Variants in SQLE observed in about 807,000 individuals in gnomAD.
SQLE encodes squalene epoxidase.
Under a neutral mutation model 60.7 loss-of-function variants are expected in SQLE, and 29 were observed. The observed-to-expected ratio is 0.48, with a 90% CI of 0.36 to 0.65. The LOEUF (loss-of-function observed/expected upper bound fraction) is 0.65. Ranked by LOEUF, SQLE falls within the 30% of genes least tolerant of loss-of-function variation. The pLI is 0.00. For synonymous variants in SQLE, 237 were observed against 246.8 expected, an observed-to-expected ratio of 0.96 and a Z score of 0.37; for missense variants, 605 against 684.1, an observed-to-expected ratio of 0.88 and a Z score of 1.29.
chr8:124,999,572 CAG>C lies in SQLE; in HGVS notation c.170_171del (p.Gln57ProfsTer29), dbSNP rs1406633781. On this transcript the variant is annotated frameshift_variant, in exon 1 of 11. Coordinates refer to ENST00000265896, the MANE Select transcript of SQLE (RefSeq NM_003129.4). LOFTEE classifies it high-confidence loss of function. ...CCGAAACGGGGGTCTCCTCGGGCGCCAGCAGAGCGGCTCCCAGTTCGCCCTCT... is the reference window on the plus strand; with the variant it reads ...CCGAAACGGGGGTCTCCTCGGGCGCCCAGAGCGGCTCCCAGTTCGCCCTCT... Reference protein sequence around the residue: ...RHRNGGLLGRQQSGSQFALFS... With the variant: ...RHRNGGLLGRXQSGSQFALFS... 6.2e-7 allele frequency: 1 copy of C among 1,613,454 alleles called. No homozygotes were observed. Among genetic ancestry groups the C allele is most frequent in the African/African-American group, 1.3e-5 (1 of 74,918 alleles).
chr8:125,014,979 TG>T (rs990161981), intron 7 of SQLE, among the ~76,000 whole-genome samples: 25 of 152,216 alleles, frequency 1.6e-4, no homozygotes, highest in Non-Finnish European at 2.8e-4. Flanking sequence ...TCTGTCTGGA[TG>T]ATCTATTCAG....
chr8:125,003,047 G>A (rs1417751112), intron 1 of SQLE, 129 bp from the exon 2 acceptor site: 11 of 720,998 alleles, frequency 1.5e-5, no homozygotes, highest in Non-Finnish European at 2.2e-5. Context: ...GTAACAATTT[G>A]TTTGGTTTGA....
chr8:125,009,814 A>T (rs899479817), intron 6 of SQLE, among the ~76,000 whole-genome samples: 1 of 151,954 alleles, frequency 6.6e-6, no homozygotes, highest in African/African-American at 2.4e-5. Flanking sequence ...AAAAGTTTTG[A>T]TATGTTTTTG....
chr8:125,002,977 CTT>C (rs1315062581), intron 1 of SQLE, among the ~76,000 whole-genome samples, 197 bp from the exon 2 acceptor site: 3 of 152,084 alleles, frequency 2.0e-5, no homozygotes, highest in African/African-American at 7.2e-5. Context: ...ATATGACACA[CTT>C]TTATTTAACG....
intron 7 of SQLE, among the ~76,000 whole-genome samples, chr8:125,017,432 C>T (rs1815126782): frequency 6.6e-6 from 1 of 152,064 alleles, no homozygotes; most frequent in African/African-American, 2.4e-5. Context: ...TGCCTGGCTG[C>T]TGCTGGTGTT....
At chr8:125,011,386 A>G (rs1815037570) in intron 6 of SQLE, 151 bp from the exon 7 acceptor site, 1 of 514,550 alleles carries the variant, frequency 1.9e-6, no homozygotes, top group African/African-American at 1.9e-5. Context: ...TATTAATGAA[A>G]TAATTAGTTC....
At position 125,007,219 on chromosome 8, in the gene SQLE, G is replaced by A. The variant is rs553092920; in HGVS notation, c.726-172G>A. ...CTAATGATTACTAATGTAATCATTA[G>A]TAATATGTATTAAATGTTGATAAAT... On this transcript the variant is annotated intron_variant, in intron 3 of 10. Coordinates refer to ENST00000265896, the MANE Select transcript of SQLE (RefSeq NM_003129.4). Among the ~76,000 whole-genome samples, 21 of 151,922 alleles carry A rather than the reference G, an allele frequency of 1.4e-4. No individual in the cohort carries two copies. The South Asian group carries it at 1.5e-3, about 11-fold the overall frequency.
At chr8:125,006,710 C>CTT (rs566345105) in intron 3 of SQLE, among the ~76,000 whole-genome samples, 11 of 145,734 alleles carry the variant, frequency 7.5e-5, no homozygotes, top group African/African-American at 2.0e-4. Context: ...AATAATTACT[C>CTT]TTTCTTTTTT....
rs1325459501 is a variant in SQLE, at chr8:125,018,679, G to A, written c.1396G>A (p.Val466Met). The A allele has an allele frequency of 5.0e-6, 8 of 1,606,450 alleles. No homozygotes were observed. Among genetic ancestry groups the A allele is most frequent in the African/African-American group, 2.7e-5 (2 of 74,588 alleles). The change falls in exon 9 of 11, where the codon GTG (valine) becomes ATG (methionine). Residue 466 changes from valine (V) to methionine (M), a missense_variant. Coordinates refer to ENST00000265896, the MANE Select transcript of SQLE (RefSeq NM_003129.4). The part of the protein sequence containing the change: ...WARKTSHSFV[V>M]NILAQALYEL... Reference sequence around the variant, plus strand: ...AAGAAAAACATCTCATTCCTTTGTCGTGAATATCCTTGCTCAGGCTCTTTA... The same window carrying A: ...AAGAAAAACATCTCATTCCTTTGTCATGAATATCCTTGCTCAGGCTCTTTA...
chr8:125,010,889 C>T (rs922019831), intron 6 of SQLE: 5 of 150,606 alleles, frequency 3.3e-5, no homozygotes, highest in Non-Finnish European at 7.4e-5. Flanking sequence ...CAAAATTCTA[C>T]TCCTTAATAT....
At chr8:125,011,340 C>T in intron 6 of SQLE, 197 bp from the exon 7 acceptor site, 4 of 396,744 alleles carry the variant, frequency 1.0e-5, no homozygotes, top group South Asian at 6.6e-5. Flanking sequence ...TTAGTCATTC[C>T]TTGGCATTAA....
chr8:125,017,606 C>G (rs1258791302), intron 7 of SQLE, among the ~76,000 whole-genome samples: 3 of 152,184 alleles, frequency 2.0e-5, no homozygotes, highest in Non-Finnish European at 2.9e-5. Context: ...ACTTGGTGCT[C>G]TGTCTCACTG....
chr8:125,018,769 AT>A, intron 9 of SQLE, 42 bp downstream of exon 9: 1 of 1,293,200 alleles, frequency 7.7e-7, no homozygotes, highest in Non-Finnish European at 1.1e-6. Context: ...TCAATTGCAG[AT>A]TTTTAGCGTA....
At chr8:125,021,547 G>A (rs1483102333) in intron 10 of SQLE, among the ~76,000 whole-genome samples, 9 of 148,572 alleles carry the variant, frequency 6.1e-5, no homozygotes, top group Non-Finnish European at 1.2e-4. Context: ...AAAAAGGGGG[G>A]TGGGGGGTTT....
chr8:125,003,276 C>T lies in SQLE; in HGVS notation c.392C>T (p.Ala131Val). ...GACCCAGAAGTTATCATCGTGGGAG[C>T]TGGCGTGCTTGGCTCTGCTTTGGCA... Reference protein sequence around the residue: ...QNDPEVIIVGAGVLGSALAAV... With the variant: ...QNDPEVIIVGVGVLGSALAAV... Residue 131 changes from alanine to valine, a missense_variant, in exon 2 of 11, where the codon GCT becomes GTT. Ala to Val is a moderately conservative substitution (Grantham distance 64). Transcript: ENST00000265896. 3 of 1,613,966 alleles carry T rather than the reference C, an allele frequency of 1.9e-6. No individual in the cohort carries two copies. The highest frequency in any genetic ancestry group is 2.5e-6 in the Non-Finnish European group (3 of 1,179,890).
chr8:125,001,478 GTGTGTGTGTGTA>G (rs1315647795), intron 1 of SQLE, among the ~76,000 whole-genome samples: 62 of 143,346 alleles, frequency 4.3e-4, no homozygotes, highest in South Asian at 2.0e-3. Context: ...GTGTGTGTGT[GTGTGTGTGTGTA>G]TATAAAACAG....
At chr8:125,007,196 A>G (rs1261301878) in intron 3 of SQLE, among the ~76,000 whole-genome samples, 195 bp from the exon 4 acceptor site, 5 of 152,172 alleles carry the variant, frequency 3.3e-5, no homozygotes, top group African/African-American at 1.2e-4. Flanking sequence ...AATGATTACT[A>G]ATGATTACTA....
chr8:125,001,840 T>G (rs2129870523), intron 1 of SQLE, among the ~76,000 whole-genome samples: 2 of 152,320 alleles, frequency 1.3e-5, no homozygotes, highest in East Asian at 3.9e-4. Flanking sequence ...TAGTCTTATC[T>G]TAATCATTAA....
chr8:125,005,819 CATATGTATATTAAAATAAA>C, intron 3 of SQLE, 114 bp downstream of exon 3: 1 of 754,230 alleles, frequency 1.3e-6, no homozygotes, highest in South Asian at 4.4e-5. Flanking sequence ...TAGTCTAGAA[CATATGTATATTAAAATAAA>C]CTGTCAGTCA....
Sources: gnomAD v4.1 joint callset for allele counts (sites outside exome capture counted in the v4.1 genomes callset) on GRCh38, gnomAD v4.1.1 for gene constraint, MANE v1.5 for transcripts, NCBI Gene and HGNC (gene_info 2026-07-23, HGNC 2026-07-21) for gene names.